NELL1: variants seen among roughly 807,000 people sequenced by gnomAD.
NELL1 encodes protein kinase C-binding protein NELL1.
Under a neutral mutation model 107.4 loss-of-function variants are expected in NELL1, and 76 were observed. The observed-to-expected ratio is 0.71, with a 90% CI of 0.59 to 0.86. The LOEUF (loss-of-function observed/expected upper bound fraction) is 0.86, where lower values mean the gene tolerates loss of function less well. NELL1 is among the 40% of genes least tolerant of loss of function. The probability of loss-of-function intolerance (pLI) is 0.00; values close to 1 mark genes in which losing one functional copy is unlikely to be tolerated. For missense variants in NELL1, 1,024 were observed against 1,005.5 expected, an observed-to-expected ratio of 1.02 and a Z score of -0.25; for synonymous variants, 353 against 341.2, an observed-to-expected ratio of 1.03 and a Z score of -0.38.
chr11:20,823,290 C>G (rs1345590777), intron 3 of NELL1, among the ~76,000 whole-genome samples: 3 of 151,150 alleles, frequency 2.0e-5, no homozygotes, highest in Non-Finnish European at 3.0e-5. Flanking sequence ...ACCATCAGAT[C>G]TCGTGAGACT....
At chr11:20,696,629 T>A (rs1792983) in intron 2 of NELL1, among the ~76,000 whole-genome samples, 31,626 of 151,760 alleles carry the variant, frequency 0.21, 3,590 homozygotes, top group African/African-American at 0.28. Context: ...GGAGTGGACT[T>A]ATGTTTTGTT....
intron 3 of NELL1, among the ~76,000 whole-genome samples, chr11:20,839,920 T>C (rs562566153): frequency 2.0e-5 from 3 of 152,184 alleles, no homozygotes; most frequent in Admixed American, 6.5e-5. Flanking sequence ...CCCAAAGATA[T>C]CTGATTTGTG....
intron 14 of NELL1, among the ~76,000 whole-genome samples, chr11:21,322,020 A>C (rs1206569196): frequency 6.6e-6 from 1 of 152,232 alleles, no homozygotes; most frequent in African/African-American, 2.4e-5. Context: ...TAAATAGATG[A>C]ATTCCAAATA....
intron 14 of NELL1, among the ~76,000 whole-genome samples, chr11:21,268,114 G>A (rs1242593965): frequency 1.3e-5 from 2 of 152,108 alleles, no homozygotes; most frequent in Non-Finnish European, 2.9e-5. Context: ...AAGAACTTAA[G>A]GAAGAAAAAC....
intron 16 of NELL1, 51 bp from the exon 17 acceptor site, chr11:21,560,138 C>G (rs768076605): frequency 3.9e-6 from 6 of 1,553,200 alleles, no homozygotes; most frequent in Non-Finnish European, 8.9e-7. Context: ...GTTGTTTGTT[C>G]TCTAAGTTCC....
intron 13 of NELL1, among the ~76,000 whole-genome samples, chr11:21,193,143 A>T (rs1857081542): frequency 6.6e-6 from 1 of 151,886 alleles, no homozygotes; most frequent in Admixed American, 6.6e-5. Flanking sequence ...TTTGACTACT[A>T]ATATGCGAAA....
chr11:21,320,279 T>C (rs1038038632), intron 14 of NELL1, among the ~76,000 whole-genome samples: 30 of 152,162 alleles, frequency 2.0e-4, no homozygotes, highest in African/African-American at 6.5e-4. Context: ...TTATTTTTGT[T>C]TTTCCTCTGG....
intron 12 of NELL1, among the ~76,000 whole-genome samples, chr11:21,111,310 G>A (rs891428575): frequency 5.3e-5 from 8 of 152,088 alleles, no homozygotes; most frequent in Non-Finnish European, 1.0e-4. Context: ...TTCTTTGAAT[G>A]TACATGACTA....
chr11:20,918,094 C>G, intron 5 of NELL1, 88 bp from the exon 6 acceptor site: 1 of 780,448 alleles, frequency 1.3e-6, no homozygotes, highest in African/African-American at 1.7e-5. Context: ...GAAAAATAAT[C>G]TGACCTGCCA....
At position 20,786,863 on chromosome 11, in the gene NELL1, C is replaced by T. The variant is rs559701075; in HGVS notation, c.335+3033C>T. On this transcript the variant is annotated intron_variant, in intron 3 of 19. Coordinates refer to ENST00000357134, the MANE Select transcript of NELL1 (RefSeq NM_006157.5). ...CTCTACTAAAAATACAAAAAATTAG[C>T]CGGGCATGGTGGCGGGCGCCTGTAG... Among the ~76,000 whole-genome samples, 236 of 151,766 alleles carry T rather than the reference C, an allele frequency of 1.6e-3. 1 individual carries two copies. Among genetic ancestry groups the T allele is most frequent in the East Asian group, 0.011 (55 of 5,120 alleles).
At chr11:21,335,473 TGTGGC>T (rs1850369656) in intron 14 of NELL1, among the ~76,000 whole-genome samples, 1 of 152,080 alleles carries the variant, frequency 6.6e-6, no homozygotes, top group African/African-American at 2.4e-5. Flanking sequence ...ATAATAATCG[TGTGGC>T]TCAAGCCATA....
intron 14 of NELL1, among the ~76,000 whole-genome samples, chr11:21,277,508 A>G (rs1848894606): frequency 6.6e-6 from 1 of 151,988 alleles, no homozygotes; most frequent in African/African-American, 2.4e-5. Context: ...TCAGGGATCT[A>G]GAACTAGAAA....
chr11:20,954,430 C>T (rs1447500440), intron 11 of NELL1, among the ~76,000 whole-genome samples: 1 of 152,164 alleles, frequency 6.6e-6, no homozygotes, highest in Admixed American at 6.5e-5. Context: ...ATTTATCCTT[C>T]TCTGAAACAC....
chr11:20,821,117 G>T (rs1281075659), intron 3 of NELL1, among the ~76,000 whole-genome samples: 1 of 152,180 alleles, frequency 6.6e-6, no homozygotes, highest in African/African-American at 2.4e-5. Flanking sequence ...AGAGGAGATG[G>T]CATTTAAACT....
chr11:20,767,539 G>A (rs1013370464), intron 2 of NELL1, among the ~76,000 whole-genome samples: 1 of 152,180 alleles, frequency 6.6e-6, no homozygotes, highest in Admixed American at 6.5e-5. Context: ...ACAGAGTGCT[G>A]ATTGGTGCAT....
At chr11:20,750,496 A>G (rs979827266) in intron 2 of NELL1, among the ~76,000 whole-genome samples, 2 of 152,080 alleles carry the variant, frequency 1.3e-5, no homozygotes, top group Non-Finnish European at 1.5e-5. Context: ...CCTACTTTAA[A>G]GCCATGAAGA....
chr11:21,332,696 C>A (rs1850298843), intron 14 of NELL1, among the ~76,000 whole-genome samples: 1 of 151,846 alleles, frequency 6.6e-6, no homozygotes, highest in African/African-American at 2.4e-5. Context: ...TGATTTTTGT[C>A]TGTTGTATTA....
intron 15 of NELL1, among the ~76,000 whole-genome samples, chr11:21,491,293 A>G (rs1242879322): frequency 6.6e-6 from 1 of 152,098 alleles, no homozygotes; most frequent in Non-Finnish European, 1.5e-5. Flanking sequence ...CCTGAATGCT[A>G]ATGCCTAGAT....
intron 14 of NELL1, among the ~76,000 whole-genome samples, chr11:21,346,899 C>CTTAT (rs1327027342): frequency 6.6e-6 from 1 of 152,124 alleles, no homozygotes; most frequent in Non-Finnish European, 1.5e-5. Context: ...TACAGAACCT[C>CTTAT]TATAGCCTCT....
Sources: allele counts gnomAD v4.1 joint callset (sites outside exome capture counted in the v4.1 genomes callset), GRCh38; gene constraint gnomAD v4.1.1; transcripts MANE v1.5; gene names NCBI Gene and HGNC (gene_info 2026-07-23, HGNC 2026-07-21).